Variants in ADAMTSL1 observed in about 807,000 individuals in gnomAD.
ADAMTSL1 encodes the protein ADAMTS like 1.
A neutral mutation model predicts 201.8 loss-of-function variants in ADAMTSL1; 126 were observed. The ratio of observed to expected loss-of-function variants is 0.62; its 90% CI spans 0.54 to 0.72. The LOEUF (loss-of-function observed/expected upper bound fraction) is 0.72, where lower values mean the gene tolerates loss of function less well. ADAMTSL1 is among the 30% of genes least tolerant of loss of function. ADAMTSL1 has a pLI of 0.00. For synonymous variants in ADAMTSL1, 1,121 were observed against 903.4 expected, an observed-to-expected ratio of 1.24 and a Z score of -4.32; for missense variants, 2,679 against 2,277.8, an observed-to-expected ratio of 1.18 and a Z score of -3.59.
chr9:18,480,246 C>T (rs1821656815), intron 1 of ADAMTSL1, among the ~76,000 whole-genome samples: 1 of 152,182 alleles, frequency 6.6e-6, no homozygotes, highest in South Asian at 2.1e-4. Flanking sequence ...ACTGTATTTG[C>T]CAGCCTTCCC....
At chr9:18,788,353 A>T (rs1821823130) in intron 19 of ADAMTSL1, among the ~76,000 whole-genome samples, 1 of 152,092 alleles carries the variant, frequency 6.6e-6, no homozygotes, top group African/African-American at 2.4e-5. Context: ...TCCCTAAGTA[A>T]CTACAAACCT....
At chr9:18,550,192 A>G (rs948306632) in intron 3 of ADAMTSL1, among the ~76,000 whole-genome samples, 3 of 152,030 alleles carry the variant, frequency 2.0e-5, no homozygotes, top group Non-Finnish European at 4.4e-5. Flanking sequence ...AAAGATATCT[A>G]TGTCCTGATC....
At chr9:18,186,194 T>C (rs1828726224) in intron 2 of ADAMTSL1, among the ~76,000 whole-genome samples, 1 of 152,300 alleles carries the variant, frequency 6.6e-6, no homozygotes, top group East Asian at 1.9e-4. Context: ...TTGTGGACCA[T>C]AGGCTGGTTT....
chr9:17,976,588 A>G (rs940839543), intron 1 of ADAMTSL1, among the ~76,000 whole-genome samples: 1 of 151,548 alleles, frequency 6.6e-6, no homozygotes, highest in African/African-American at 2.4e-5. Context: ...TTGATTTTGT[A>G]TCTGCAACTT....
chr9:18,508,012 C>T (rs1476770822), intron 2 of ADAMTSL1, among the ~76,000 whole-genome samples: 3 of 151,942 alleles, frequency 2.0e-5, no homozygotes, highest in South Asian at 4.2e-4. Flanking sequence ...TGGACAAACC[C>T]GATTTCTACT....
chr9:18,099,740 C>A (rs770385398), intron 1 of ADAMTSL1, among the ~76,000 whole-genome samples: 1 of 150,994 alleles, frequency 6.6e-6, no homozygotes, highest in Non-Finnish European at 1.5e-5. Flanking sequence ...CGGGTTCACG[C>A]CATTCTCTTG....
At chr9:18,727,936 C>T (rs1368201609) in intron 15 of ADAMTSL1, among the ~76,000 whole-genome samples, 1 of 151,888 alleles carries the variant, frequency 6.6e-6, no homozygotes, top group Non-Finnish European at 1.5e-5. Context: ...AAAAATTGGT[C>T]GGGTGTGGTG....
intron 2 of ADAMTSL1, among the ~76,000 whole-genome samples, chr9:18,284,333 C>T (rs1325181794): frequency 6.6e-6 from 1 of 152,090 alleles, no homozygotes. Flanking sequence ...CTATTCCAGA[C>T]TTTGTCCATA....
chr9:18,556,740 AC>A (rs1223669973), intron 3 of ADAMTSL1, among the ~76,000 whole-genome samples: 1 of 152,058 alleles, frequency 6.6e-6, no homozygotes, highest in African/African-American at 2.4e-5. Flanking sequence ...TAAACTTATA[AC>A]CCAGTAAATT....
chr9:18,570,628 A>G (rs938383913), intron 3 of ADAMTSL1, among the ~76,000 whole-genome samples: 1 of 152,172 alleles, frequency 6.6e-6, no homozygotes, highest in African/African-American at 2.4e-5. Context: ...AGCTTTCTGA[A>G]CCTGTTTTAT....
intron 14 of ADAMTSL1, among the ~76,000 whole-genome samples, chr9:18,711,682 C>A (rs1296019663): frequency 6.6e-6 from 1 of 152,252 alleles, no homozygotes; most frequent in East Asian, 1.9e-4. Context: ...GGGCGCCCGC[C>A]ATTGCCCAGG....
chr9:18,384,602 C>G (rs970953366), intron 2 of ADAMTSL1, among the ~76,000 whole-genome samples: 2 of 152,176 alleles, frequency 1.3e-5, no homozygotes, highest in Non-Finnish European at 2.9e-5. Context: ...ACCTGCCCCA[C>G]CGGGATGTGT....
chr9:18,136,815 C>A (rs1256307600), intron 1 of ADAMTSL1, among the ~76,000 whole-genome samples: 2 of 152,018 alleles, frequency 1.3e-5, no homozygotes, highest in East Asian at 1.9e-4. Flanking sequence ...AACCAGCAAC[C>A]ATTGGCATAT....
chr9:18,508,058 G>T (rs1363448222), intron 2 of ADAMTSL1, among the ~76,000 whole-genome samples: 1 of 152,074 alleles, frequency 6.6e-6, no homozygotes, highest in Non-Finnish European at 1.5e-5. Flanking sequence ...GGTAGCGGGT[G>T]CTTATAATTG....
At chr9:18,396,697 A>G (rs144899600) in intron 2 of ADAMTSL1, among the ~76,000 whole-genome samples, 1 of 152,004 alleles carries the variant, frequency 6.6e-6, no homozygotes, top group Non-Finnish European at 1.5e-5. Flanking sequence ...GCACAAAACT[A>G]TGTCCTTGCT....
At chr9:17,916,265 A>G (rs1046634123) in intron 1 of ADAMTSL1, among the ~76,000 whole-genome samples, 7 of 152,138 alleles carry the variant, frequency 4.6e-5, no homozygotes, top group Non-Finnish European at 1.0e-4. Flanking sequence ...ATTTTCTTCC[A>G]GTCTGTGGCC....
At chr9:17,986,382 C>A (rs1818930226) in intron 1 of ADAMTSL1, among the ~76,000 whole-genome samples, 1 of 151,862 alleles carries the variant, frequency 6.6e-6, no homozygotes, top group Non-Finnish European at 1.5e-5. Flanking sequence ...TGGCAGAAGT[C>A]CAGGACTTTT....
rs79460656 is a variant in ADAMTSL1 at position 18,736,209 on chromosome 9, C to T, written c.2006+14544C>T. Among the ~76,000 whole-genome samples, 43 of 152,246 alleles carry T rather than the reference C, an allele frequency of 2.8e-4. No individual in the cohort carries two copies. In the East Asian group the frequency reaches 3.3e-3, roughly 12 times the overall value. On this transcript the variant is annotated intron_variant, in intron 15 of 28. Transcript: ENST00000380548. ...GGAGCCAGATCTCCCTCACAAGATG[C>T]GCCCCACTGTCCAGTTTGACTCTGT...
At chr9:18,790,741 C>T (rs1462933987) in intron 19 of ADAMTSL1, among the ~76,000 whole-genome samples, 1 of 151,554 alleles carries the variant, frequency 6.6e-6, no homozygotes, top group Admixed American at 6.6e-5. Context: ...AAATAAAGGC[C>T]CCCAGAAAAA....
Sources: allele counts gnomAD v4.1 joint callset (sites outside exome capture counted in the v4.1 genomes callset), GRCh38; gene constraint gnomAD v4.1.1; transcripts MANE v1.5; gene names NCBI Gene and HGNC (gene_info 2026-07-23, HGNC 2026-07-21).